DIAPH2: variants seen among roughly 807,000 people sequenced by gnomAD.
DIAPH2 encodes protein diaphanous homolog 2.
In DIAPH2, 35 loss-of-function variants were observed where a neutral mutation model predicts 92.7. That is an observed-to-expected ratio of 0.38 (90% CI 0.29 to 0.50). The LOEUF (loss-of-function observed/expected upper bound fraction) is 0.50. DIAPH2 is among the 20% of genes least tolerant of loss of function. The pLI, the probability that DIAPH2 is intolerant of heterozygous loss-of-function variation, is 0.94. For missense variants in DIAPH2, 701 were observed against 819.5 expected (o/e 0.86, Z 1.77); for synonymous variants, 301 against 280.4 (o/e 1.07, Z -0.73).
intron 23 of DIAPH2, among the ~76,000 whole-genome samples, chrX:97,344,892 T>C (rs1393126616): frequency 8.9e-6 from 1 of 112,265 alleles, no homozygotes; most frequent in Non-Finnish European, 1.9e-5. Context: ...TTCTGCAATA[T>C]GCAAACAGTT....
At chrX:97,459,177 C>T (rs1228647548) in intron 26 of DIAPH2, among the ~76,000 whole-genome samples, 1 of 112,212 alleles carries the variant, frequency 8.9e-6, no homozygotes, top group Non-Finnish European at 1.9e-5. Flanking sequence ...TTCTCACAGG[C>T]CATGGGTGTC....
chrX:97,319,386 T>C (rs964580724), intron 23 of DIAPH2, among the ~76,000 whole-genome samples: 1 of 109,077 alleles, frequency 9.2e-6, no homozygotes, highest in South Asian at 3.8e-4. Flanking sequence ...TCATATAAAA[T>C]TCCCCTTTTT....
At chrX:96,758,756 A>G (rs770068434) in intron 4 of DIAPH2, among the ~76,000 whole-genome samples, 6 of 111,528 alleles carry the variant, frequency 5.4e-5, no homozygotes, top group South Asian at 3.7e-4. Context: ...CATAATTGCT[A>G]TTGTATAGCT....
At chrX:97,497,661 C>T (rs183332639) in intron 26 of DIAPH2, among the ~76,000 whole-genome samples, 14 of 110,206 alleles carry the variant, frequency 1.3e-4, no homozygotes, top group Non-Finnish European at 1.9e-4. Flanking sequence ...CAAAAATTAG[C>T]GAGGTATATT....
At chrX:97,100,851 A>T (rs2066901376) in intron 20 of DIAPH2, among the ~76,000 whole-genome samples, 1 of 111,927 alleles carries the variant, frequency 8.9e-6, no homozygotes, top group Non-Finnish European at 1.9e-5. Context: ...CCTTTTGAAC[A>T]TGTGCAATAA....
intron 22 of DIAPH2, among the ~76,000 whole-genome samples, chrX:97,223,421 G>GT (rs2147518700): frequency 9.0e-6 from 1 of 110,678 alleles, no homozygotes; most frequent in African/African-American, 3.3e-5. Flanking sequence ...TTTTTTGACT[G>GT]TTTTTAACCC....
At chrX:97,161,092 G>A (rs759677809) in intron 22 of DIAPH2, among the ~76,000 whole-genome samples, 12 of 100,408 alleles carry the variant, frequency 1.2e-4, no homozygotes, top group Middle Eastern at 5.2e-3. Context: ...ATATAGTGGC[G>A]GGATGCAGCC....
chrX:96,829,421 T>C lies in DIAPH2; in HGVS notation c.448-52158T>C, dbSNP rs1035539393. 7.6e-4 allele frequency among the ~76,000 whole-genome samples: 65 copies of C among 84,979 alleles called. 1 individual carries two copies. The highest frequency in any genetic ancestry group is 3.2e-3 in the African/African-American group (62 of 19,452). 73.8% of individuals were successfully genotyped at this position (84,979 alleles called of 115,157 possible). Reference sequence around the variant, plus strand: ...ATCTGATAAAGTATGTAAAAATCAATAGCATTTACATATATATATGTATAT... The same window carrying C: ...ATCTGATAAAGTATGTAAAAATCAACAGCATTTACATATATATATGTATAT... On this transcript the variant is annotated intron_variant, in intron 4 of 26. Coordinates refer to ENST00000324765, the MANE Select transcript of DIAPH2 (RefSeq NM_006729.5).
intron 17 of DIAPH2, among the ~76,000 whole-genome samples, chrX:97,072,085 T>C (rs2066673398): frequency 2.7e-5 from 3 of 111,774 alleles, no homozygotes; most frequent in African/African-American, 9.8e-5. Flanking sequence ...TTGAGTACAA[T>C]GGTAGCTGTA....
intron 3 of DIAPH2, among the ~76,000 whole-genome samples, chrX:96,752,582 C>T (rs1468677032): frequency 1.8e-5 from 2 of 111,441 alleles, no homozygotes; most frequent in African/African-American, 6.5e-5. Flanking sequence ...GAGAAGTCTT[C>T]CTGAAAAATT....
At chrX:96,884,888 A>C (rs768311636) in intron 5 of DIAPH2, 1 of 1,211,211 alleles carries the variant, frequency 8.3e-7, no homozygotes. Context: ...GCTGGGGATA[A>C]CGATGAGAGT....
Position 97,045,666 on chromosome X carries a change from G to A in DIAPH2, c.2051-27275G>A, listed in dbSNP as rs946692052. Among the ~76,000 whole-genome samples, 4 of 107,984 alleles carry A rather than the reference G, an allele frequency of 3.7e-5. No individual in the cohort carries two copies. In the East Asian group the frequency reaches 8.6e-4, roughly 23 times the overall value. The allele number at this position is 107,984 out of a possible 115,157, so 93.8% of individuals were successfully genotyped here. On this transcript the variant is annotated intron_variant, in intron 17 of 26. Coordinates refer to ENST00000324765, the MANE Select transcript of DIAPH2 (RefSeq NM_006729.5). Reference sequence around the variant, plus strand: ...GAAAATGTTCTCAGAAGGAGAGTACGATCAAATGAATCAAATGCTACTAAG... The same window carrying A: ...GAAAATGTTCTCAGAAGGAGAGTACAATCAAATGAATCAAATGCTACTAAG...
At chrX:97,381,094 A>C (rs1276342131) in intron 24 of DIAPH2, among the ~76,000 whole-genome samples, 1 of 111,209 alleles carries the variant, frequency 9.0e-6, no homozygotes, top group African/African-American at 3.3e-5. Flanking sequence ...TTTAATCTCT[A>C]GCCTTATTTT....
chrX:97,359,308 C>T (rs1387128821), intron 24 of DIAPH2, among the ~76,000 whole-genome samples: 3 of 111,233 alleles, frequency 2.7e-5, no homozygotes, highest in African/African-American at 9.8e-5. Flanking sequence ...CCATTACTTA[C>T]CTAAACTAGG....
chrX:97,548,743 A>G (rs780556133), intron 26 of DIAPH2, among the ~76,000 whole-genome samples: 139 of 112,454 alleles, frequency 1.2e-3, no homozygotes, highest in African/African-American at 4.3e-3. Flanking sequence ...TAAAAAGTCT[A>G]ATATAACTTG....
At chrX:97,010,412 C>A (rs1205088105) in intron 17 of DIAPH2, among the ~76,000 whole-genome samples, 7 of 111,428 alleles carry the variant, frequency 6.3e-5, no homozygotes, top group Non-Finnish European at 1.9e-5. Context: ...TGCTTCTTTT[C>A]AGTGGTATGA....
intron 26 of DIAPH2, among the ~76,000 whole-genome samples, chrX:97,565,303 T>G (rs2071319106): frequency 8.9e-6 from 1 of 112,280 alleles, no homozygotes; most frequent in African/African-American, 3.2e-5. Flanking sequence ...TACGGGATCC[T>G]TTTAAGAATG....
At chrX:97,061,775 C>G (rs1260908121) in intron 17 of DIAPH2, among the ~76,000 whole-genome samples, 1 of 92,515 alleles carries the variant, frequency 1.1e-5, no homozygotes, top group Non-Finnish European at 2.1e-5. Context: ...GATCGCACCA[C>G]TGCACTCCAG....
intron 17 of DIAPH2, among the ~76,000 whole-genome samples, chrX:97,020,421 A>T (rs2066290108): frequency 8.9e-6 from 1 of 112,063 alleles, no homozygotes; most frequent in African/African-American, 3.2e-5. Flanking sequence ...CCACAGGGGG[A>T]TATAAAACCC....
Sources: allele counts gnomAD v4.1 joint callset (sites outside exome capture counted in the v4.1 genomes callset), GRCh38; gene constraint gnomAD v4.1.1; transcripts MANE v1.5; gene names NCBI Gene and HGNC (gene_info 2026-07-23, HGNC 2026-07-21).